The following GALNTL6 variants were observed in gnomAD, a reference collection of about 807,000 sequenced individuals.
The protein encoded by GALNTL6 is polypeptide N-acetylgalactosaminyltransferase like 6.
In GALNTL6, 46 loss-of-function variants were observed where a neutral mutation model predicts 73.7. The observed-to-expected ratio is 0.62, with a 90% CI of 0.49 to 0.80. The LOEUF is 0.80. Ranked by LOEUF, GALNTL6 falls within the 30% of genes least tolerant of loss-of-function variation. The pLI is 0.00. For missense variants in GALNTL6, 604 were observed against 755.0 expected (o/e 0.80, Z 2.34); for synonymous variants, 259 against 263.7 (o/e 0.98, Z 0.17).
intron 5 of GALNTL6, among the ~76,000 whole-genome samples, chr4:172,468,140 C>A (rs966090674): frequency 2.0e-5 from 3 of 152,126 alleles, no homozygotes; most frequent in Admixed American, 6.6e-5. Flanking sequence ...AATCCTCCGC[C>A]CTTGGCCTCC....
At chr4:172,802,995 A>T (rs1191906212) in intron 5 of GALNTL6, among the ~76,000 whole-genome samples, 1 of 152,200 alleles carries the variant, frequency 6.6e-6, no homozygotes, top group Non-Finnish European at 1.5e-5. Context: ...TATAGCTCAG[A>T]TGGTATATAA....
At chr4:172,769,809 A>G (rs144442874) in intron 5 of GALNTL6, among the ~76,000 whole-genome samples, 194 of 152,310 alleles carry the variant, frequency 1.3e-3, no homozygotes, top group African/African-American at 4.0e-3. Flanking sequence ...CAGTGTTACT[A>G]TTCTGTGCAG....
At chr4:172,788,667 G>A (rs556732565) in intron 5 of GALNTL6, among the ~76,000 whole-genome samples, 128 of 99,554 alleles carry the variant, frequency 1.3e-3, no homozygotes, top group African/African-American at 4.2e-3. Context: ...GCAAGACTCC[G>A]TCTCAAAAAA....
chr4:172,401,747 G>C (rs1396691504), intron 5 of GALNTL6, among the ~76,000 whole-genome samples: 2 of 152,030 alleles, frequency 1.3e-5, no homozygotes, highest in Non-Finnish European at 2.9e-5. Flanking sequence ...TTATACTGTA[G>C]ATATGAAATG....
At chr4:172,610,122 T>C (rs1339689050) in intron 5 of GALNTL6, among the ~76,000 whole-genome samples, 2 of 152,056 alleles carry the variant, frequency 1.3e-5, no homozygotes, top group African/African-American at 4.8e-5. Context: ...TCTATTCTAT[T>C]AATTTTTTCA....
chr4:172,324,309 T>G (rs1021319398), intron 4 of GALNTL6, among the ~76,000 whole-genome samples: 3 of 151,900 alleles, frequency 2.0e-5, no homozygotes, highest in African/African-American at 7.2e-5. Context: ...TATTAATGAA[T>G]GTTAAGAATA....
At chr4:172,377,653 G>A (rs1743085512) in intron 5 of GALNTL6, among the ~76,000 whole-genome samples, 1 of 152,086 alleles carries the variant, frequency 6.6e-6, no homozygotes. Flanking sequence ...CTCGGTCATG[G>A]TGGGCTGCAG....
At chr4:172,049,795 C>G (rs1730782025) in intron 2 of GALNTL6, among the ~76,000 whole-genome samples, 1 of 152,030 alleles carries the variant, frequency 6.6e-6, no homozygotes, top group Non-Finnish European at 1.5e-5. Flanking sequence ...ACCAACTTGG[C>G]CAACATGGTG....
At chr4:172,840,604 G>C (rs1250325671) in intron 7 of GALNTL6, among the ~76,000 whole-genome samples, 1 of 152,188 alleles carries the variant, frequency 6.6e-6, no homozygotes, top group Admixed American at 6.5e-5. Flanking sequence ...ATACTTGGGA[G>C]GCAAAGATAA....
intron 5 of GALNTL6, among the ~76,000 whole-genome samples, chr4:172,793,094 A>G (rs1298823553): frequency 6.6e-6 from 1 of 152,192 alleles, no homozygotes; most frequent in East Asian, 1.9e-4. Flanking sequence ...CTGTATTTCC[A>G]ATAGTACTTA....
intron 2 of GALNTL6, among the ~76,000 whole-genome samples, chr4:171,994,687 G>A (rs1740435232): frequency 1.3e-5 from 2 of 151,690 alleles, no homozygotes; most frequent in African/African-American, 4.8e-5. Flanking sequence ...AACAGTTGTT[G>A]GTTTTGTTGC....
chr4:172,885,986 G>T (rs1205684554), intron 8 of GALNTL6, among the ~76,000 whole-genome samples: 1 of 152,092 alleles, frequency 6.6e-6, no homozygotes, highest in Non-Finnish European at 1.5e-5. Flanking sequence ...ATGTTTATGA[G>T]GAATGTTGGC....
chr4:172,520,789 G>T (rs950202695), intron 5 of GALNTL6, among the ~76,000 whole-genome samples: 2 of 151,846 alleles, frequency 1.3e-5, no homozygotes, highest in African/African-American at 4.8e-5. Context: ...GTTACATACA[G>T]ATCCATTTAC....
intron 2 of GALNTL6, among the ~76,000 whole-genome samples, chr4:171,881,242 T>A (rs767506920): frequency 3.3e-5 from 5 of 152,206 alleles, no homozygotes; most frequent in Non-Finnish European, 7.3e-5. Context: ...ACAATAATTA[T>A]TCACAGAATG....
chr4:172,352,577 A>T (rs893245483), intron 5 of GALNTL6, among the ~76,000 whole-genome samples: 3 of 152,134 alleles, frequency 2.0e-5, no homozygotes, highest in African/African-American at 7.2e-5. Flanking sequence ...CACATGGAAA[A>T]TGTTGAAATG....
chr4:172,567,492 C>T (rs1268714087), intron 5 of GALNTL6, among the ~76,000 whole-genome samples: 1 of 152,096 alleles, frequency 6.6e-6, no homozygotes, highest in African/African-American at 2.4e-5. Context: ...CGAGAACCAG[C>T]AAACATATCT....
At chr4:171,832,319 C>A (rs564273332) in intron 2 of GALNTL6, among the ~76,000 whole-genome samples, 35 of 151,240 alleles carry the variant, frequency 2.3e-4, no homozygotes, top group Non-Finnish European at 1.8e-4. Context: ...GTATCTCAAA[C>A]TTTAAATTGG....
intron 5 of GALNTL6, among the ~76,000 whole-genome samples, chr4:172,743,495 G>A (rs931590855): frequency 7.2e-5 from 11 of 152,000 alleles, no homozygotes; most frequent in Non-Finnish European, 1.0e-4. Context: ...ACTGCAGATC[G>A]TTGGACACCC....
intron 5 of GALNTL6, among the ~76,000 whole-genome samples, chr4:172,546,430 A>G (rs1194800633): frequency 6.6e-6 from 1 of 152,022 alleles, no homozygotes; most frequent in African/African-American, 2.4e-5. Context: ...ACTATGCAAT[A>G]TATGCAAGAA....
Sources: allele counts gnomAD v4.1 joint callset (sites outside exome capture counted in the v4.1 genomes callset), GRCh38; gene constraint gnomAD v4.1.1; transcripts MANE v1.5; gene names NCBI Gene and HGNC (gene_info 2026-07-23, HGNC 2026-07-21).